LINGO2: variants seen among roughly 807,000 people sequenced by gnomAD.
The protein encoded by LINGO2 is leucine-rich repeat and immunoglobulin-like domain-containing nogo receptor-interacting protein 2.
A neutral mutation model predicts 30.6 loss-of-function variants in LINGO2; 14 were observed. The ratio of observed to expected loss-of-function variants is 0.46; its 90% confidence interval spans 0.30 to 0.72. The LOEUF is 0.72. LINGO2 is among the 30% of genes least tolerant of loss of function. LINGO2 has a pLI of 0.07. For synonymous variants in LINGO2, 317 were observed against 288.5 expected (o/e 1.10, Z -1.00); for missense variants, 729 against 751.7 (o/e 0.97, Z 0.35).
At chr9:28,748,877 T>C in the LINGO2 span, among the ~76,000 whole-genome samples, 1 of 152,122 alleles carries the variant, frequency 6.6e-6, no homozygotes, top group African/African-American at 2.4e-5. Flanking sequence ...TGATAAAGAA[T>C]TATATGCAAG....
intron 3 of LINGO2, among the ~76,000 whole-genome samples, chr9:28,299,010 T>C (rs1234339768): frequency 6.6e-6 from 1 of 152,218 alleles, no homozygotes; most frequent in African/African-American, 2.4e-5. Flanking sequence ...CCTTTTAGTA[T>C]ACCTTATTGC....
chr9:28,051,561 T>C (rs1227080572), intron 4 of LINGO2, among the ~76,000 whole-genome samples: 2 of 152,184 alleles, frequency 1.3e-5, no homozygotes, highest in Middle Eastern at 3.4e-3. Context: ...AATTCCTACC[T>C]CTTAGAGGTG....
intron 4 of LINGO2, among the ~76,000 whole-genome samples, chr9:28,081,581 G>T (rs1825775385): frequency 6.6e-6 from 1 of 152,168 alleles, no homozygotes; most frequent in African/African-American, 2.4e-5. Context: ...AGGTTTTGTG[G>T]AATTCTGGAT....
the LINGO2 span, among the ~76,000 whole-genome samples, chr9:28,889,938 T>C: frequency 6.6e-6 from 1 of 152,196 alleles, no homozygotes; most frequent in South Asian, 2.1e-4. Flanking sequence ...AAAAAATAAA[T>C]ATTCCACTAT....
intron 2 of LINGO2, among the ~76,000 whole-genome samples, chr9:28,414,263 T>C (rs1460628847): frequency 6.6e-6 from 1 of 152,240 alleles, no homozygotes; most frequent in East Asian, 1.9e-4. Context: ...GTCCATGAAG[T>C]TGTCTATTTC....
intron 2 of LINGO2, among the ~76,000 whole-genome samples, chr9:28,433,949 C>CTCTCTCTCTCTATATA (rs1225323260): frequency 3.4e-5 from 3 of 88,480 alleles, no homozygotes; most frequent in African/African-American, 1.3e-4. Flanking sequence ...CTCTCTCTCT[C>CTCTCTCTCTCTATATA]TATATATATA....
At chr9:27,961,097 A>G (rs951981644) in intron 5 of LINGO2, among the ~76,000 whole-genome samples, 8 of 152,198 alleles carry the variant, frequency 5.3e-5, no homozygotes, top group Admixed American at 6.6e-5. Context: ...ACAGTATTCA[A>G]TAAGTTACAT....
chr9:29,076,663 T>C, the LINGO2 span, among the ~76,000 whole-genome samples: 2 of 148,776 alleles, frequency 1.3e-5, no homozygotes, highest in African/African-American at 2.4e-5. Flanking sequence ...TTCAGAAAGA[T>C]GTAGAAATTT....
At chr9:28,802,300 C>T in the LINGO2 span, among the ~76,000 whole-genome samples, 6,695 of 151,870 alleles carry the variant, frequency 0.044, 200 homozygotes, top group Admixed American at 0.082. Flanking sequence ...TAGACAGTTC[C>T]AACAGTCACA....
chr9:28,671,513 CA>C (rs11286682), upstream of LINGO2, among the ~76,000 whole-genome samples: 12,513 of 105,530 alleles, frequency 0.12, 456 homozygotes, highest in East Asian at 0.16. Context: ...TTATCTTAAG[CA>C]AAAAAAAAAA....
rs553819748 is a variant in LINGO2 at position 28,589,987 on chromosome 9, C to G, written c.-365+80213G>C. ...GACCAATGGAACAGAACAGAGCCCTCAGAGATAATGCTGCATATCTACAAC... is the reference window on the plus strand; with the variant it reads ...GACCAATGGAACAGAACAGAGCCCTGAGAGATAATGCTGCATATCTACAAC... On this transcript the variant is annotated intron_variant, in intron 1 of 5. Transcript: ENST00000379992. Among the ~76,000 whole-genome samples, 25 of 152,252 alleles carry G rather than the reference C, an allele frequency of 1.6e-4. No individual in the cohort carries two copies. In the South Asian group the frequency reaches 5.0e-3, roughly 30 times the overall value.
chr9:28,045,606 C>T (rs1261289139), intron 4 of LINGO2, among the ~76,000 whole-genome samples: 5 of 152,050 alleles, frequency 3.3e-5, no homozygotes, highest in African/African-American at 1.2e-4. Flanking sequence ...TTATGGGAGC[C>T]TAGAGGATTT....
At chr9:28,516,082 A>G (rs1820607271) in intron 1 of LINGO2, among the ~76,000 whole-genome samples, 1 of 152,214 alleles carries the variant, frequency 6.6e-6, no homozygotes, top group African/African-American at 2.4e-5. Context: ...AAGCATTTTA[A>G]AATTATGGTA....
chr9:28,785,133 A>G, the LINGO2 span, among the ~76,000 whole-genome samples: 1 of 152,364 alleles, frequency 6.6e-6, no homozygotes, highest in South Asian at 2.1e-4. Flanking sequence ...TAAATTATAC[A>G]GAAATGGCAC....
At chr9:28,170,556 G>C (rs993102233) in intron 4 of LINGO2, among the ~76,000 whole-genome samples, 1 of 152,192 alleles carries the variant, frequency 6.6e-6, no homozygotes, top group Non-Finnish European at 1.5e-5. Context: ...TGGTATATCA[G>C]CTTCCTAGTG....
At chr9:28,989,532 T>C in the LINGO2 span, among the ~76,000 whole-genome samples, 4 of 152,198 alleles carry the variant, frequency 2.6e-5, no homozygotes, top group African/African-American at 7.2e-5. Context: ...TTGCCTAGGA[T>C]ATTCCACTAA....
chr9:28,041,703 G>T lies in LINGO2; in HGVS notation c.-86-29298C>A, dbSNP rs1389487671. On this transcript the variant is annotated intron_variant, in intron 4 of 5. Transcript: ENST00000379992. ...ATCACTTTATATTTGGCAGAGATGTGAGCCCAGAGAATTATCAGTTCAGGA... is the reference window on the plus strand; with the variant it reads ...ATCACTTTATATTTGGCAGAGATGTTAGCCCAGAGAATTATCAGTTCAGGA... Among the ~76,000 whole-genome samples the T allele has an allele frequency of 2.6e-5, 4 of 152,250 alleles. No homozygotes were observed. In the East Asian group the frequency reaches 7.7e-4, roughly 29 times the overall value.
At chr9:28,110,691 A>T (rs1826754030) in intron 4 of LINGO2, among the ~76,000 whole-genome samples, 1 of 152,200 alleles carries the variant, frequency 6.6e-6, no homozygotes, top group Non-Finnish European at 1.5e-5. Flanking sequence ...ATGAGATACC[A>T]TCTCAAACCA....
chr9:28,809,720 C>A, the LINGO2 span, among the ~76,000 whole-genome samples: 1 of 125,946 alleles, frequency 7.9e-6, no homozygotes, highest in Non-Finnish European at 1.6e-5. Flanking sequence ...TACTCCAGCC[C>A]GGGTGACAGG....
Sources: gnomAD v4.1 joint callset for allele counts (sites outside exome capture counted in the v4.1 genomes callset) on GRCh38, gnomAD v4.1.1 for gene constraint, MANE v1.5 for transcripts, NCBI Gene and HGNC (gene_info 2026-07-23, HGNC 2026-07-21) for gene names.